Variants in XXYLT1 observed in about 807,000 individuals in gnomAD.
XXYLT1 encodes UDP-xylose:alpha-xyloside alpha-1,3-xylosyltransferase.
Under a neutral mutation model 28.9 loss-of-function variants are expected in XXYLT1, and 20 were observed. The observed-to-expected ratio is 0.69, with a 90% confidence interval of 0.49 to 1.00. The LOEUF is 1.00. Ranked by LOEUF, XXYLT1 falls within the 50% of genes least tolerant of loss-of-function variation. XXYLT1 has a pLI of 0.00. For synonymous variants in XXYLT1, 257 were observed against 253.8 expected (o/e 1.01, Z -0.12); for missense variants, 542 against 560.1 (o/e 0.97, Z 0.33).
intron 2 of XXYLT1, chr3:195,207,491 T>C (rs775781153): frequency 1.3e-5 from 6 of 456,120 alleles, no homozygotes; most frequent in Non-Finnish European, 2.6e-5. Context: ...GTACAAGAGG[T>C]GTACACTCTA....
intron 3 of XXYLT1, among the ~76,000 whole-genome samples, chr3:195,073,989 G>A (rs535203839): frequency 2.0e-4 from 30 of 152,180 alleles, no homozygotes; most frequent in East Asian, 9.7e-4. Context: ...CTAAGGGCTC[G>A]TCCTCCCCAG....
chr3:195,145,413 A>AACGGGCACCTCACTCCACGGTG (rs1719785742), intron 3 of XXYLT1, among the ~76,000 whole-genome samples: 1 of 145,416 alleles, frequency 6.9e-6, no homozygotes, highest in African/African-American at 2.6e-5. Context: ...AAGTCACATG[A>AACGGGCACCTCACTCCACGGTG]ACGGGCACCT....
intron 3 of XXYLT1, among the ~76,000 whole-genome samples, chr3:195,134,789 C>T (rs991127228): frequency 7.3e-5 from 11 of 151,318 alleles, no homozygotes; most frequent in Admixed American, 2.6e-4. Context: ...GCTTTCCATC[C>T]GTATTTCCCA....
chr3:195,099,391 C>G (rs1386808786), intron 3 of XXYLT1, among the ~76,000 whole-genome samples: 1 of 152,084 alleles, frequency 6.6e-6, no homozygotes, highest in African/African-American at 2.4e-5. Context: ...GCCTCCCAAA[C>G]CAGCACCACC....
At chr3:195,174,612 A>G (rs1280362736) in intron 2 of XXYLT1, among the ~76,000 whole-genome samples, 1 of 151,902 alleles carries the variant, frequency 6.6e-6, no homozygotes, top group Non-Finnish European at 1.5e-5. Context: ...AGCTGAGACT[A>G]TAGGAGCATG....
chr3:195,251,501 G>A (rs886202910), intron 1 of XXYLT1, among the ~76,000 whole-genome samples: 4 of 152,172 alleles, frequency 2.6e-5, no homozygotes, highest in Non-Finnish European at 5.9e-5. Context: ...GTGAAGCTGC[G>A]CTGAGCACCG....
At chr3:195,202,283 A>T (rs1414829509) in intron 2 of XXYLT1, among the ~76,000 whole-genome samples, 3 of 152,020 alleles carry the variant, frequency 2.0e-5, no homozygotes, top group Non-Finnish European at 4.4e-5. Flanking sequence ...AACTATAGAG[A>T]CACTGTCCCC....
intron 1 of XXYLT1, chr3:195,247,727 C>A (rs1296903883): frequency 1.4e-6 from 1 of 693,520 alleles, no homozygotes; most frequent in Non-Finnish European, 2.6e-6. Context: ...AAAGAAGGAC[C>A]CAAGACTTGG....
Position 195,173,245 on chromosome 3 carries a change from A to C in XXYLT1, c.653-16664T>G, listed in dbSNP as rs1721498006. Among the ~76,000 whole-genome samples the C allele has an allele frequency of 6.6e-6, 1 of 152,198 alleles. No individual in the cohort carries two copies. The highest frequency in any genetic ancestry group is 1.5e-5 in the Non-Finnish European group (1 of 68,022). On this transcript the variant is annotated intron_variant, in intron 2 of 3. Transcript: ENST00000310380. The surrounding 1 kb of genome is among the most constrained non-coding windows in gnomAD (Gnocchi z 4.3). ...CCCCTGCATTTTAGGTCCCCTGGCT[A>C]ACTTTTGTGAGGCTGGGGCCAAAGA...
intron 3 of XXYLT1, among the ~76,000 whole-genome samples, chr3:195,073,901 C>T (rs1489065233): frequency 6.6e-6 from 1 of 152,140 alleles, no homozygotes; most frequent in African/African-American, 2.4e-5. Context: ...CAGTTACTTC[C>T]TCGCTTCAAG....
intron 3 of XXYLT1, among the ~76,000 whole-genome samples, chr3:195,119,352 A>T (rs1452142372): frequency 6.6e-6 from 1 of 152,176 alleles, no homozygotes; most frequent in African/African-American, 2.4e-5. Flanking sequence ...CAATAAGGGA[A>T]ATCACATAAA....
rs1342613202 is a variant in XXYLT1, at chr3:195,255,035, C to A, written c.504+15520G>T. Among the ~76,000 whole-genome samples the A allele has an allele frequency of 6.6e-6, 1 of 152,128 alleles. No individual in the cohort carries two copies. The highest frequency in any genetic ancestry group is 2.4e-5 in the African/African-American group (1 of 41,436). On this transcript the variant is annotated intron_variant, in intron 1 of 3. Coordinates refer to ENST00000310380, the MANE Select transcript of XXYLT1 (RefSeq NM_152531.5). This position sits in a 1 kb window ranked among gnomAD's most constrained non-coding sequence, Gnocchi z 4.5. ...GCACAGGAAAGAGAAAGAAGTCAGA[C>A]TCGGACCCTGTCCCCAACTGCCCCA...
intron 1 of XXYLT1, among the ~76,000 whole-genome samples, chr3:195,265,734 G>A (rs949972958): frequency 1.3e-5 from 2 of 152,178 alleles, no homozygotes; most frequent in Admixed American, 1.3e-4. Context: ...GAGTAAATGC[G>A]ACCCAGCAAC....
At chr3:195,105,819 T>C (rs138364936) in intron 3 of XXYLT1, among the ~76,000 whole-genome samples, 1,729 of 152,322 alleles carry the variant, frequency 0.011, 24 homozygotes, top group African/African-American at 0.039. Context: ...GTATTATTCC[T>C]GGCCTCCCTG....
chr3:195,211,457 A>C (rs1247945748), intron 2 of XXYLT1, among the ~76,000 whole-genome samples: 2 of 152,208 alleles, frequency 1.3e-5, no homozygotes, highest in African/African-American at 4.8e-5. Flanking sequence ...CCTAAAATAA[A>C]GTAGTTCAAG....
intron 3 of XXYLT1, among the ~76,000 whole-genome samples, chr3:195,140,192 C>T (rs1047856449): frequency 1.8e-4 from 28 of 152,228 alleles, no homozygotes; most frequent in African/African-American, 6.5e-4. Flanking sequence ...GCAGAGTTAC[C>T]TCATCTCAAC....
chr3:195,119,784 T>C (rs1718250450), intron 3 of XXYLT1, among the ~76,000 whole-genome samples: 1 of 152,248 alleles, frequency 6.6e-6, no homozygotes, highest in Admixed American at 6.5e-5. Flanking sequence ...CCCTGTGTTT[T>C]CCTAGCTGTT....
chr3:195,232,230 T>G (rs962143226), intron 1 of XXYLT1, among the ~76,000 whole-genome samples: 1 of 152,156 alleles, frequency 6.6e-6, no homozygotes, highest in Non-Finnish European at 1.5e-5. Flanking sequence ...AGTTGTAATA[T>G]CTCCTTTTTC....
rs1725520183 is a variant in XXYLT1 at position 195,257,433 on chromosome 3, C to T, written c.504+13122G>A. Among the ~76,000 whole-genome samples the T allele has an allele frequency of 6.6e-6, 1 of 152,190 alleles. No homozygotes were observed. Among genetic ancestry groups the T allele is most frequent in the Non-Finnish European group, 1.5e-5 (1 of 68,032 alleles). On this transcript the variant is annotated intron_variant, in intron 1 of 3. Coordinates refer to ENST00000310380, the MANE Select transcript of XXYLT1 (RefSeq NM_152531.5). The surrounding 1 kb of genome is among the most constrained non-coding windows in gnomAD (Gnocchi z 4.3). ...ACCAGGGTGGAGGTGAGAGGTAGGT[C>T]CCCACATAACTGGCACCGTCCGAGC...
Sources: allele counts gnomAD v4.1 joint callset (sites outside exome capture counted in the v4.1 genomes callset), GRCh38; gene constraint gnomAD v4.1.1; non-coding constraint Gnocchi (gnomAD v3.1); transcripts MANE v1.5; gene names NCBI Gene and HGNC (gene_info 2026-07-23, HGNC 2026-07-21).